SLC24A2: variants seen among roughly 807,000 people sequenced by gnomAD.
SLC24A2 encodes the protein sodium/potassium/calcium exchanger 2.
In SLC24A2, 36 loss-of-function variants were observed where a neutral mutation model predicts 62.0. The observed-to-expected ratio is 0.58, with a 90% confidence interval of 0.44 to 0.77. The LOEUF is 0.77. Among genes scored for constraint, SLC24A2 ranks in the 30% least tolerant of loss-of-function variants. The probability of loss-of-function intolerance (pLI) is 0.00; values close to 1 mark genes in which losing one functional copy is unlikely to be tolerated. For synonymous variants in SLC24A2, 358 were observed against 294.0 expected (o/e 1.22, Z -2.23); for missense variants, 846 against 817.9 (o/e 1.03, Z -0.42).
At chr9:19,717,763 G>T (rs1820900651) in intron 2 of SLC24A2, among the ~76,000 whole-genome samples, 1 of 151,814 alleles carries the variant, frequency 6.6e-6, no homozygotes, top group African/African-American at 2.4e-5. Flanking sequence ...TCCTCTTTTT[G>T]CTATGACTAA....
chr9:19,841,101 A>G, the SLC24A2 span, among the ~76,000 whole-genome samples: 7 of 152,182 alleles, frequency 4.6e-5, no homozygotes, highest in Admixed American at 1.3e-4. Flanking sequence ...TAACCACTCA[A>G]TAAACACGTA....
chr9:20,106,510 G>T, the SLC24A2 span, among the ~76,000 whole-genome samples: 1 of 152,108 alleles, frequency 6.6e-6, no homozygotes, highest in Non-Finnish European at 1.5e-5. Context: ...ATGATCAAGT[G>T]GGCTTCATCC....
At chr9:20,013,656 A>T in the SLC24A2 span, among the ~76,000 whole-genome samples, 3 of 152,222 alleles carry the variant, frequency 2.0e-5, no homozygotes, top group African/African-American at 7.2e-5. Flanking sequence ...GTTGAATACC[A>T]TAAGAAAACA....
chr9:19,986,690 G>A, the SLC24A2 span, among the ~76,000 whole-genome samples: 1 of 152,082 alleles, frequency 6.6e-6, no homozygotes, highest in Admixed American at 6.6e-5. Context: ...AGCAAGACAT[G>A]AAAGATTACA....
intron 2 of SLC24A2, among the ~76,000 whole-genome samples, chr9:19,718,691 C>T (rs1006464183): frequency 6.6e-6 from 1 of 152,092 alleles, no homozygotes; most frequent in Non-Finnish European, 1.5e-5. Context: ...ATGGTCACTG[C>T]ATCACGGACA....
At chr9:19,961,179 G>A in the SLC24A2 span, among the ~76,000 whole-genome samples, 5 of 150,548 alleles carry the variant, frequency 3.3e-5, no homozygotes, top group African/African-American at 1.2e-4. Context: ...TAATACATAT[G>A]TAACAAACCT....
the SLC24A2 span, among the ~76,000 whole-genome samples, chr9:20,180,282 G>A: frequency 6.6e-6 from 1 of 152,116 alleles, no homozygotes; most frequent in Non-Finnish European, 1.5e-5. Flanking sequence ...ATGATCAGCT[G>A]AGGTTACACA....
the SLC24A2 span, among the ~76,000 whole-genome samples, chr9:20,132,423 C>A: frequency 6.6e-6 from 1 of 152,066 alleles, no homozygotes; most frequent in South Asian, 2.1e-4. Flanking sequence ...TTATTTTGAA[C>A]TTTCTGTGGA....
the SLC24A2 span, among the ~76,000 whole-genome samples, chr9:20,221,361 C>T: frequency 1.3e-5 from 2 of 151,764 alleles, no homozygotes; most frequent in Non-Finnish European, 2.9e-5. Context: ...TTAGAACCAA[C>T]AGAAATGTTG....
At chr9:20,185,013 T>C in the SLC24A2 span, among the ~76,000 whole-genome samples, 2 of 152,142 alleles carry the variant, frequency 1.3e-5, no homozygotes, top group South Asian at 4.1e-4. Flanking sequence ...AAATACTCCA[T>C]GATCTCACTT....
chr9:20,182,601 C>A, the SLC24A2 span, among the ~76,000 whole-genome samples: 24 of 152,210 alleles, frequency 1.6e-4, no homozygotes, highest in East Asian at 4.6e-3. Flanking sequence ...CACGTGGACA[C>A]AGGGAGGGGA....
At chr9:20,216,413 T>C in the SLC24A2 span, among the ~76,000 whole-genome samples, 1 of 152,202 alleles carries the variant, frequency 6.6e-6, no homozygotes, top group African/African-American at 2.4e-5. Context: ...AGCTAGGAAA[T>C]AGGCATATTT....
chr9:19,827,617 G>C, the SLC24A2 span, among the ~76,000 whole-genome samples: 1 of 151,940 alleles, frequency 6.6e-6, no homozygotes, highest in Non-Finnish European at 1.5e-5. Context: ...GTTTAATGTG[G>C]CATCTCTGTG....
In SLC24A2 at chr9:19,546,285, C is replaced by T. The variant is rs191768490; in HGVS notation, c.1479+3852G>A. On this transcript the variant is annotated intron_variant, in intron 8 of 10. Transcript: ENST00000341998. The stretch of plus-strand genomic sequence containing the variant: ...GACGTTTAAGTCTGCTGAAGCTGCA[C>T]CTACAACCGCCCCTTCCGCCAGATG... Among the ~76,000 whole-genome samples the T allele has an allele frequency of 2.1e-3, 324 of 152,330 alleles. 3 individuals are homozygous for T. Among genetic ancestry groups the T allele is most frequent in the African/African-American group, 7.6e-3 (315 of 41,564 alleles).
the SLC24A2 span, among the ~76,000 whole-genome samples, chr9:20,068,520 C>T: frequency 0.28 from 41,775 of 151,900 alleles, 6,374 homozygotes; most frequent in African/African-American, 0.41. Flanking sequence ...CTGAAAACCC[C>T]GCCTTAAACA....
chr9:19,752,998 A>C (rs1822030771), intron 2 of SLC24A2, among the ~76,000 whole-genome samples: 1 of 152,220 alleles, frequency 6.6e-6, no homozygotes, highest in Non-Finnish European at 1.5e-5. Context: ...AGAAAAATGC[A>C]AGGGCCAGAA....
intron 8 of SLC24A2, among the ~76,000 whole-genome samples, chr9:19,542,084 C>T (rs1834294588): frequency 6.6e-6 from 1 of 152,170 alleles, no homozygotes; most frequent in South Asian, 2.1e-4. Context: ...TGCACGCACA[C>T]ACTGGCCTGC....
chr9:19,706,298 C>A (rs113791825), intron 2 of SLC24A2, among the ~76,000 whole-genome samples: 21,095 of 151,680 alleles, frequency 0.14, 2,272 homozygotes, highest in African/African-American at 0.31. Flanking sequence ...AGATCTTTCT[C>A]CATCCTTTTA....
At chr9:20,040,680 C>T in the SLC24A2 span, among the ~76,000 whole-genome samples, 3 of 152,198 alleles carry the variant, frequency 2.0e-5, no homozygotes, top group Admixed American at 6.5e-5. Context: ...TAAGTGGTTG[C>T]AGAACTAGCT....
Sources: allele counts gnomAD v4.1 joint callset (sites outside exome capture counted in the v4.1 genomes callset), GRCh38; gene constraint gnomAD v4.1.1; transcripts MANE v1.5; gene names NCBI Gene and HGNC (gene_info 2026-07-23, HGNC 2026-07-21).